CATSPERG: variants seen among roughly 807,000 people sequenced by gnomAD.
The protein encoded by CATSPERG is cation channel sperm-associated auxiliary subunit gamma.
A neutral mutation model predicts 145.0 loss-of-function variants in CATSPERG; 115 were observed. The ratio of observed to expected loss-of-function variants is 0.79; its 90% CI spans 0.68 to 0.93. CATSPERG has a LOEUF of 0.93. Ranked by LOEUF, CATSPERG falls within the 40% of genes least tolerant of loss-of-function variation. The pLI is 0.00. For synonymous variants in CATSPERG, 588 were observed against 589.0 expected (o/e 1.00, Z 0.02); for missense variants, 1,296 against 1,490.1 (o/e 0.87, Z 2.14).
intron 20 of CATSPERG, among the ~76,000 whole-genome samples, chr19:38,363,489 CTTTTTTT>C (rs1173452820): frequency 7.8e-6 from 1 of 128,248 alleles, no homozygotes; most frequent in African/African-American, 3.0e-5. Flanking sequence ...TAGCCTATTC[CTTTTTTT>C]TTTTTTTTTT....
Position 38,360,518 on chromosome 19 carries a change from G to C in CATSPERG, c.1638G>C (p.Arg546=). The change falls in exon 15 of 29, where the codon CGG becomes CGC. Residue 546 remains arginine (R), a synonymous_variant. Coordinates refer to ENST00000409235, the MANE Select transcript of CATSPERG (RefSeq NM_021185.5). ...EIWYLLEGSY[R]VYQLFPSKGW... ...GGTACCTCCTGGAGGGCAGCTACCG[G>C]GTCTACCAGCTGTTCCCTTCCAAGG... 6.2e-7 allele frequency: 1 copy of C among 1,614,140 alleles called. No individual in the cohort carries two copies. Among genetic ancestry groups the C allele is most frequent in the Non-Finnish European group, 8.5e-7 (1 of 1,180,028 alleles).
At chr19:38,344,899 A>ATTTTTTTTT (rs1457655650) in intron 6 of CATSPERG, among the ~76,000 whole-genome samples, 2 of 93,098 alleles carry the variant, frequency 2.1e-5, no homozygotes, top group Non-Finnish European at 2.1e-5. Flanking sequence ...ATATATATAT[A>ATTTTTTTTT]TATTTTTTTT....
At chr19:38,350,904 G>A (rs1386023427) in intron 7 of CATSPERG, among the ~76,000 whole-genome samples, 1 of 152,142 alleles carries the variant, frequency 6.6e-6, no homozygotes, top group Non-Finnish European at 1.5e-5. Context: ...CAAGATAATC[G>A]CTGGAACCCG....
Position 38,370,211 on chromosome 19 carries a change from A to G in CATSPERG, c.3166A>G (p.Ile1056Val), listed in dbSNP as rs1192793219. The G allele has an allele frequency of 2.5e-6, 4 of 1,613,812 alleles. No individual in the cohort carries two copies. Among genetic ancestry groups the G allele is most frequent in the Non-Finnish European group, 3.4e-6 (4 of 1,180,010 alleles). ...CNYQLTFLLHIHGLPLSPKRA... is the reference protein window; with the variant it reads ...CNYQLTFLLHVHGLPLSPKRA... ...CTACCAGCTCACCTTCCTGCTGCACATCCACGGGCTGCCACTCAGTCCCAA... is the reference window on the plus strand; with the variant it reads ...CTACCAGCTCACCTTCCTGCTGCACGTCCACGGGCTGCCACTCAGTCCCAA... The change falls in exon 28 of 29, where the codon ATC becomes GTC. Residue 1056 changes from isoleucine to valine, a missense_variant. By Grantham distance (29) the Ile-to-Val change is conservative. Transcript: ENST00000409235.
At chr19:38,346,680 G>T (rs1970047301) in intron 7 of CATSPERG, 75 bp downstream of exon 7, 2 of 1,388,326 alleles carry the variant, frequency 1.4e-6, no homozygotes, top group South Asian at 2.8e-5. Context: ...ATAAGGTAGG[G>T]GCCTGGGGCT....
chr19:38,354,976 T>A, intron 9 of CATSPERG, 129 bp downstream of exon 9: 1 of 1,082,720 alleles, frequency 9.2e-7, no homozygotes, highest in African/African-American at 1.6e-5. Context: ...AGGGTGATGG[T>A]GGTGGTGGAG....
Position 38,337,409 on chromosome 19 carries a change from AGT to A in CATSPERG, c.177_178del (p.Ser59ArgfsTer8), listed in dbSNP as rs773440203. On this transcript the variant is annotated frameshift_variant, in exon 2 of 29. Coordinates refer to ENST00000409235, the MANE Select transcript of CATSPERG (RefSeq NM_021185.5). LOFTEE classifies it high-confidence loss of function. ...GAACGAGTTTAAGAGGGTAGGCGAG[AGT>A]GGTGTGAGCGACAGCTTCTTTGAGC... ...VLNEFKRVGESGVSDSFFEQE... is the reference protein window; with the variant it reads ...VLNEFKRVGEXGVSDSFFEQE... 6.4e-6 allele frequency: 10 copies of A among 1,551,802 alleles called. No individual in the cohort carries two copies. Among genetic ancestry groups the A allele is most frequent in the Non-Finnish European group, 8.7e-7 (1 of 1,147,038 alleles).
Position 38,367,225 on chromosome 19 carries a change from ACGCTGGAATACAGC to A in CATSPERG, c.2687_2700del (p.Leu896ProfsTer8), listed in dbSNP as rs781089378. 5 of 1,613,856 alleles carry A rather than the reference ACGCTGGAATACAGC, an allele frequency of 3.1e-6. No individual in the cohort carries two copies. Among genetic ancestry groups the A allele is most frequent in the Non-Finnish European group, 4.2e-6 (5 of 1,179,994 alleles). On this transcript the variant is annotated frameshift_variant, in exon 23 of 29. Coordinates refer to ENST00000409235, the MANE Select transcript of CATSPERG (RefSeq NM_021185.5). LOFTEE classifies it high-confidence loss of function. Reference sequence around the variant, plus strand: ...GCGCCTGGCCTTCGACATCACCTACACGCTGGAATACAGCCGCCTGAAGAACAAACACTACTTTG... The same window carrying A: ...GCGCCTGGCCTTCGACATCACCTACACGCCTGAAGAACAAACACTACTTTG...
At chr19:38,362,150 T>C in intron 17 of CATSPERG, 60 bp from the exon 18 acceptor site, 2 of 1,536,088 alleles carry the variant, frequency 1.3e-6, no homozygotes, top group Non-Finnish European at 1.8e-6. Context: ...GGGATGCCGC[T>C]TGCCTGGAGG....
intron 6 of CATSPERG, among the ~76,000 whole-genome samples, chr19:38,344,741 CCTGT>C: frequency 1.7e-5 from 2 of 117,356 alleles, no homozygotes; most frequent in African/African-American, 2.9e-5. Flanking sequence ...ATAGTACATA[CCTGT>C]ACATACATAT....
chr19:38,336,495 G>C (rs1023413853), intron 1 of CATSPERG: 2 of 302,824 alleles, frequency 6.6e-6, no homozygotes, highest in African/African-American at 4.5e-5. Context: ...GGCGAGAAAC[G>C]GGGGCCCGGC....
intron 6 of CATSPERG, 150 bp downstream of exon 6, chr19:38,344,518 T>C (rs79570957): frequency 0.066 from 46,183 of 700,310 alleles, 2,625 homozygotes; most frequent in East Asian, 0.24. Context: ...CCCAGTGACC[T>C]GTCGAGGGGA....
chr19:38,341,883 C>T (rs1969943995), intron 3 of CATSPERG, among the ~76,000 whole-genome samples: 1 of 151,746 alleles, frequency 6.6e-6, no homozygotes. Context: ...GCCTGGGCAA[C>T]AAGTGCAAAA....
At chr19:38,355,190 A>C (rs890505187) in intron 9 of CATSPERG, among the ~76,000 whole-genome samples, 3 of 148,732 alleles carry the variant, frequency 2.0e-5, no homozygotes, top group African/African-American at 2.5e-5. Context: ...ACTAAAAATA[A>C]AAAAATTAGT....
chr19:38,358,223 A>G, intron 11 of CATSPERG, 55 bp from the exon 12 acceptor site: 2 of 1,578,988 alleles, frequency 1.3e-6, no homozygotes, highest in East Asian at 2.2e-5. Context: ...CTCCAGCTCC[A>G]GGTTTTGAAA....
At chr19:38,344,443 C>T (rs1338645630) in intron 6 of CATSPERG, 75 bp downstream of exon 6, 1 of 1,295,854 alleles carries the variant, frequency 7.7e-7, no homozygotes, top group Non-Finnish European at 1.1e-6. Flanking sequence ...CCCAGACAAG[C>T]AGCAGATCCC....
At position 38,346,612 on chromosome 19, in the gene CATSPERG, G is replaced by A. The variant is rs1217847129; in HGVS notation, c.825+7G>A. On this transcript the variant is annotated splice_region_variant and intron_variant, in intron 7 of 28. Transcript: ENST00000409235. ...GGACTTCTCTCTCGTGGAGGTGAAC[G>A]GTGTGGGGCAGATGGTGGGCGGGGC... 12 of 1,541,828 alleles carry A rather than the reference G, an allele frequency of 7.8e-6. No homozygotes were observed. Among genetic ancestry groups the A allele is most frequent in the East Asian group, 4.9e-5 (2 of 40,632 alleles).
Position 38,337,574 on chromosome 19 carries a change from G to A in CATSPERG, c.271-19G>A, listed in dbSNP as rs1467085176. On this transcript the variant is annotated intron_variant, in intron 2 of 28. Transcript: ENST00000409235. ...CACTCCACTCATTTCTGGACGTGTG[G>A]CCTAACCTCTCTTTGCAGAAATACC... is the stretch of plus-strand genomic sequence containing the variant. The A allele has an allele frequency of 3.4e-5, 52 of 1,551,774 alleles. No individual in the cohort carries two copies. The highest frequency in any genetic ancestry group is 4.3e-5 in the Non-Finnish European group (49 of 1,147,012).
chr19:38,362,698 T>A lies in CATSPERG; in HGVS notation c.2357-16T>A. On this transcript the variant is annotated splice_polypyrimidine_tract_variant and intron_variant, in intron 19 of 28. Coordinates refer to ENST00000409235, the MANE Select transcript of CATSPERG (RefSeq NM_021185.5). ...TCTGTGAGGGAGGCCTTAACCCCGT[T>A]TACTGCCCGGAGCAGGCACCGCCTT... 5.6e-6 allele frequency: 9 copies of A among 1,613,560 alleles called. No individual in the cohort carries two copies. Among genetic ancestry groups the A allele is most frequent in the Non-Finnish European group, 7.6e-6 (9 of 1,179,610 alleles).
Sources: allele counts gnomAD v4.1 joint callset (sites outside exome capture counted in the v4.1 genomes callset), GRCh38; gene constraint gnomAD v4.1.1; transcripts MANE v1.5; gene names NCBI Gene and HGNC (gene_info 2026-07-23, HGNC 2026-07-21).